ATRNL1: variants seen among roughly 807,000 people sequenced by gnomAD.
ATRNL1 encodes attractin-like protein 1.
A neutral mutation model predicts 182.7 loss-of-function variants in ATRNL1; 95 were observed. That is an observed-to-expected ratio of 0.52 (90% confidence interval 0.44 to 0.62). The LOEUF is 0.62. Among genes scored for constraint, ATRNL1 ranks in the 20% least tolerant of loss-of-function variants. The pLI is 0.00. For missense variants in ATRNL1, 1,471 were observed against 1,679.5 expected (o/e 0.88, Z 2.17); for synonymous variants, 576 against 568.3 (o/e 1.01, Z -0.19).
chr10:115,678,193 C>A (rs991339925), intron 26 of ATRNL1, among the ~76,000 whole-genome samples: 3 of 151,984 alleles, frequency 2.0e-5, no homozygotes, highest in Non-Finnish European at 4.4e-5. Context: ...TTGGTTTTTA[C>A]CAAGCATTAT....
At chr10:115,497,734 C>T (rs1354702406) in intron 24 of ATRNL1, among the ~76,000 whole-genome samples, 3 of 151,796 alleles carry the variant, frequency 2.0e-5, no homozygotes, top group East Asian at 1.9e-4. Flanking sequence ...CTCGGCTCAC[C>T]GCAACCTCTG....
intron 28 of ATRNL1, among the ~76,000 whole-genome samples, chr10:115,872,037 C>A (rs1269024305): frequency 2.0e-5 from 3 of 152,144 alleles, no homozygotes; most frequent in Admixed American, 2.0e-4. Context: ...TGATGACATC[C>A]ATCTGTTTAT....
At chr10:115,477,579 T>A (rs1364460953) in intron 24 of ATRNL1, among the ~76,000 whole-genome samples, 1 of 151,550 alleles carries the variant, frequency 6.6e-6, no homozygotes, top group Non-Finnish European at 1.5e-5. Context: ...TGGGAAGTAG[T>A]TTTTTGGCTT....
chr10:115,793,205 A>C (rs1280725267), intron 27 of ATRNL1, among the ~76,000 whole-genome samples: 6 of 152,068 alleles, frequency 3.9e-5, no homozygotes, highest in Non-Finnish European at 7.4e-5. Flanking sequence ...TTGTATGGTT[A>C]GTCATTATCT....
intron 11 of ATRNL1, 91 bp downstream of exon 11, chr10:115,265,368 G>T: frequency 2.7e-6 from 2 of 727,602 alleles, no homozygotes; most frequent in African/African-American, 1.8e-5. Context: ...AATTATCATT[G>T]GTACTTAATG....
intron 26 of ATRNL1, among the ~76,000 whole-genome samples, chr10:115,660,820 G>A (rs1218257410): frequency 2.0e-5 from 3 of 152,002 alleles, no homozygotes; most frequent in African/African-American, 7.3e-5. Context: ...TGGCTCAGGG[G>A]CATCGATTGC....
intron 26 of ATRNL1, among the ~76,000 whole-genome samples, chr10:115,722,592 A>ATT (rs2134047854): frequency 6.6e-6 from 1 of 152,268 alleles, no homozygotes; most frequent in South Asian, 2.1e-4. Context: ...AAAGCCTCTT[A>ATT]TTTCATGAAT....
intron 28 of ATRNL1, among the ~76,000 whole-genome samples, chr10:115,865,571 ATTC>A (rs1479416139): frequency 6.6e-6 from 1 of 152,178 alleles, no homozygotes; most frequent in Non-Finnish European, 1.5e-5. Flanking sequence ...GTCTCACTGT[ATTC>A]TTGAACATAA....
chr10:115,666,188 T>C (rs1860990327), intron 26 of ATRNL1, among the ~76,000 whole-genome samples: 1 of 152,210 alleles, frequency 6.6e-6, no homozygotes, highest in South Asian at 2.1e-4. Context: ...TGTAGGAATA[T>C]ACAATTTTAA....
chr10:115,568,907 A>T (rs1854222838), intron 26 of ATRNL1, among the ~76,000 whole-genome samples: 1 of 152,066 alleles, frequency 6.6e-6, no homozygotes, highest in South Asian at 2.1e-4. Flanking sequence ...ATATTCCAAT[A>T]TCAACATATG....
intron 28 of ATRNL1, among the ~76,000 whole-genome samples, chr10:115,925,154 T>C (rs967530361): frequency 6.6e-6 from 1 of 152,118 alleles, no homozygotes; most frequent in African/African-American, 2.4e-5. Flanking sequence ...GGGGCTGAGA[T>C]GATGGGGCTT....
intron 22 of ATRNL1, among the ~76,000 whole-genome samples, chr10:115,462,754 C>T (rs1847878570): frequency 6.6e-6 from 1 of 152,068 alleles, no homozygotes; most frequent in South Asian, 2.1e-4. Flanking sequence ...AATGATGGCT[C>T]CTTTAATGAA....
chr10:115,838,837 A>T (rs1313439654), intron 27 of ATRNL1, among the ~76,000 whole-genome samples: 7 of 152,204 alleles, frequency 4.6e-5, no homozygotes, highest in African/African-American at 1.7e-4. Flanking sequence ...GCTCTTGTAG[A>T]GTTAATGTTC....
At chr10:115,484,181 C>T (rs1189734504) in intron 24 of ATRNL1, among the ~76,000 whole-genome samples, 1 of 150,680 alleles carries the variant, frequency 6.6e-6, no homozygotes, top group African/African-American at 2.4e-5. Context: ...AATTCTAAAT[C>T]TATATCTCAT....
At chr10:115,485,825 T>C (rs148067765) in intron 24 of ATRNL1, among the ~76,000 whole-genome samples, 5,792 of 152,030 alleles carry the variant, frequency 0.038, 342 homozygotes, top group African/African-American at 0.13. Context: ...ACACGTGCCA[T>C]GGTGGTTTGC....
intron 28 of ATRNL1, among the ~76,000 whole-genome samples, chr10:115,858,080 G>A (rs1430180435): frequency 6.6e-6 from 1 of 152,162 alleles, no homozygotes; most frequent in African/African-American, 2.4e-5. Context: ...AAGCAAGAAT[G>A]TTGTGGGTGT....
intron 27 of ATRNL1, among the ~76,000 whole-genome samples, chr10:115,837,131 T>C (rs1348658455): frequency 6.6e-6 from 1 of 152,160 alleles, no homozygotes; most frequent in Non-Finnish European, 1.5e-5. Context: ...TATACTTCAT[T>C]TTCTAAAGCA....
chr10:115,185,704 T>C (rs530080242), intron 8 of ATRNL1, among the ~76,000 whole-genome samples: 15 of 152,098 alleles, frequency 9.9e-5, no homozygotes, highest in African/African-American at 3.1e-4. Flanking sequence ...ATGAAATTTT[T>C]TTATGAGATA....
At chr10:115,729,527 G>GTGTGTGTGTGTGTA (rs1215381020) in intron 27 of ATRNL1, among the ~76,000 whole-genome samples, 64 of 151,100 alleles carry the variant, frequency 4.2e-4, no homozygotes, top group African/African-American at 1.5e-3. Context: ...GTGTGTGTGT[G>GTGTGTGTGTGTGTA]TGTGTGTGTT....
Sources: allele counts gnomAD v4.1 joint callset (sites outside exome capture counted in the v4.1 genomes callset), GRCh38; gene constraint gnomAD v4.1.1; transcripts MANE v1.5; gene names NCBI Gene and HGNC (gene_info 2026-07-23, HGNC 2026-07-21).